MEI4: variants seen among roughly 807,000 people sequenced by gnomAD.
MEI4 encodes meiosis-specific protein MEI4.
Under a neutral mutation model 31.4 loss-of-function variants are expected in MEI4, and 27 were observed. The observed-to-expected ratio is 0.86, with a 90% CI of 0.63 to 1.19. The LOEUF is 1.19. Among genes scored for constraint, MEI4 ranks in the 50% most tolerant of loss-of-function variants. MEI4 has a pLI of 0.00. For missense variants in MEI4, 329 were observed against 398.9 expected (o/e 0.82, Z 1.49); for synonymous variants, 122 against 145.4 (o/e 0.84, Z 1.16).
At position 77,926,483 on chromosome 6, in the gene MEI4, G is replaced by A. The variant is rs886261452; in HGVS notation, c.*3137G>A. The A allele has an allele frequency of 6.6e-6, 1 of 151,804 alleles. No individual in the cohort carries two copies. Among genetic ancestry groups the A allele is most frequent in the African/African-American group, 2.4e-5 (1 of 41,364 alleles). The allele number at this position is 151,804 out of a possible 1,614,324, so 9.4% of individuals were successfully genotyped here. A position where few individuals can be genotyped will look rare whatever the true frequency, so the allele number is the denominator to read the frequency against. On this transcript the variant is annotated 3_prime_UTR_variant, in exon 5 of 5. Coordinates refer to ENST00000684080, the MANE Select transcript of MEI4 (RefSeq NM_001322247.2). ...AAACAAATCTGACTGGTTTGTTCTT[G>A]GAAAAATATATACGATTATCTCACA...
chr6:77,896,337 T>C (rs1293400038), intron 4 of MEI4, among the ~76,000 whole-genome samples: 2 of 152,044 alleles, frequency 1.3e-5, no homozygotes, highest in Non-Finnish European at 2.9e-5. Context: ...ACCAAAGAAA[T>C]GTGTGAAGAT....
At chr6:77,806,824 G>A (rs1162808125) in intron 3 of MEI4, among the ~76,000 whole-genome samples, 2 of 152,074 alleles carry the variant, frequency 1.3e-5, no homozygotes, top group Non-Finnish European at 1.5e-5. Flanking sequence ...TCCAGCCTAC[G>A]ACTTGTTTTT....
chr6:77,754,752 T>C (rs550332879), intron 2 of MEI4, among the ~76,000 whole-genome samples: 12 of 152,174 alleles, frequency 7.9e-5, no homozygotes, highest in Admixed American at 3.9e-4. Flanking sequence ...CCCACAATCA[T>C]GGTGGAAGGG....
intron 1 of MEI4, among the ~76,000 whole-genome samples, chr6:77,653,865 TG>T (rs1334272413): frequency 6.6e-6 from 1 of 152,222 alleles, no homozygotes; most frequent in Non-Finnish European, 1.5e-5. Flanking sequence ...TCATATGGTT[TG>T]TAACTAAGGA....
At chr6:77,771,368 A>G (rs1268631107) in intron 3 of MEI4, among the ~76,000 whole-genome samples, 2 of 151,946 alleles carry the variant, frequency 1.3e-5, no homozygotes, top group African/African-American at 4.8e-5. Flanking sequence ...GCCATTGTGG[A>G]AAGTATTGTG....
intron 2 of MEI4, among the ~76,000 whole-genome samples, 160 bp from the exon 3 acceptor site, chr6:77,760,968 TCA>T (rs1191696318): frequency 6.6e-6 from 1 of 152,226 alleles, no homozygotes; most frequent in African/African-American, 2.4e-5. Context: ...ACAATTTCTT[TCA>T]CAGTTTTTTC....
intron 2 of MEI4, among the ~76,000 whole-genome samples, chr6:77,714,639 T>C (rs768563775): frequency 6.6e-6 from 1 of 152,212 alleles, no homozygotes; most frequent in South Asian, 2.1e-4. Context: ...TAGGAGCTGA[T>C]TCCATTCAAG....
At chr6:77,736,515 C>G (rs1433656851) in intron 2 of MEI4, among the ~76,000 whole-genome samples, 14 of 152,048 alleles carry the variant, frequency 9.2e-5, no homozygotes, top group Non-Finnish European at 2.1e-4. Flanking sequence ...CGCGCACACA[C>G]TGACCTGCGC....
upstream of MEI4, among the ~76,000 whole-genome samples, chr6:77,652,452 A>AT (rs1042234122): frequency 1.2e-4 from 18 of 151,998 alleles, no homozygotes; most frequent in African/African-American, 3.4e-4. Flanking sequence ...TTGTGTATAT[A>AT]TTTTTTCTTT....
intron 2 of MEI4, among the ~76,000 whole-genome samples, chr6:77,735,572 G>C (rs1265162354): frequency 2.0e-5 from 3 of 151,856 alleles, no homozygotes; most frequent in Admixed American, 6.6e-5. Flanking sequence ...CTTTGCCTTC[G>C]GTTTGAATGT....
intron 4 of MEI4, among the ~76,000 whole-genome samples, chr6:77,894,689 C>T (rs1325369321): frequency 6.6e-6 from 1 of 152,170 alleles, no homozygotes; most frequent in African/African-American, 2.4e-5. Context: ...AGGTTCTGCT[C>T]TCTTGTGAGC....
intron 1 of MEI4, among the ~76,000 whole-genome samples, chr6:77,683,209 T>C (rs748580543): frequency 9.2e-5 from 14 of 152,186 alleles, no homozygotes; most frequent in Non-Finnish European, 2.1e-4. Context: ...ACAAAATGCT[T>C]CTTCATTTTG....
intron 1 of MEI4, among the ~76,000 whole-genome samples, chr6:77,665,131 G>A (rs951774623): frequency 2.0e-5 from 3 of 151,800 alleles, no homozygotes; most frequent in South Asian, 4.2e-4. Context: ...ATAAGAGGTC[G>A]GGGCATGGAA....
intron 3 of MEI4, among the ~76,000 whole-genome samples, chr6:77,825,072 CATTAT>C (rs1017918848): frequency 8.6e-5 from 13 of 151,944 alleles, no homozygotes; most frequent in Non-Finnish European, 1.9e-4. Flanking sequence ...CATATTTTTT[CATTAT>C]ATTCTTATAA....
At chr6:77,747,115 C>A (rs1051136564) in intron 2 of MEI4, among the ~76,000 whole-genome samples, 1 of 151,952 alleles carries the variant, frequency 6.6e-6, no homozygotes, top group Non-Finnish European at 1.5e-5. Flanking sequence ...AGTTCAAGAC[C>A]AGCCTGACTA....
At chr6:77,691,168 C>A (rs1450505408) in intron 2 of MEI4, among the ~76,000 whole-genome samples, 1 of 151,942 alleles carries the variant, frequency 6.6e-6, no homozygotes, top group African/African-American at 2.4e-5. Flanking sequence ...CATTGTTCAA[C>A]TTTATTATTT....
intron 2 of MEI4, among the ~76,000 whole-genome samples, chr6:77,744,652 C>G (rs1304578146): frequency 6.6e-6 from 1 of 152,096 alleles, no homozygotes; most frequent in Non-Finnish European, 1.5e-5. Context: ...AGAGCAACTC[C>G]AAGACACGTA....
chr6:77,780,451 T>C (rs1212342375), intron 3 of MEI4, among the ~76,000 whole-genome samples: 1 of 152,128 alleles, frequency 6.6e-6, no homozygotes, highest in Non-Finnish European at 1.5e-5. Context: ...CTGCCACAAC[T>C]GTTTCTGTGA....
chr6:77,733,900 A>C (rs1767094328), intron 2 of MEI4, among the ~76,000 whole-genome samples: 1 of 152,210 alleles, frequency 6.6e-6, no homozygotes, highest in African/African-American at 2.4e-5. Context: ...GTAGTCATTC[A>C]GGAGCATGTT....
Sources: allele counts gnomAD v4.1 joint callset (sites outside exome capture counted in the v4.1 genomes callset), GRCh38; gene constraint gnomAD v4.1.1; transcripts MANE v1.5; gene names NCBI Gene and HGNC (gene_info 2026-07-23, HGNC 2026-07-21).